RADX: variants seen among roughly 807,000 people sequenced by gnomAD.
The protein encoded by RADX is RPA-related protein RADX.
In RADX, 36 loss-of-function variants were observed where a neutral mutation model predicts 61.6. The ratio of observed to expected loss-of-function variants is 0.58; its 90% CI spans 0.45 to 0.77. The LOEUF (loss-of-function observed/expected upper bound fraction) is 0.77, where lower values mean the gene tolerates loss of function less well. Ranked by LOEUF, RADX falls within the 30% of genes least tolerant of loss-of-function variation. RADX has a pLI of 0.00. For synonymous variants in RADX, 272 were observed against 237.9 expected, an observed-to-expected ratio of 1.14 and a Z score of -1.32; for missense variants, 497 against 651.1, an observed-to-expected ratio of 0.76 and a Z score of 2.58.
chrX:106,643,663 T>C (rs375324711), intron 10 of RADX, among the ~76,000 whole-genome samples: 20 of 111,693 alleles, frequency 1.8e-4, no homozygotes, highest in Non-Finnish European at 3.2e-4. Flanking sequence ...TGTGTGTTGA[T>C]CAATTGAAAT....
rs991780610 is a variant in RADX at position 106,620,231 on chromosome X, C to T, written c.644-2420C>T. The stretch of plus-strand genomic sequence containing the variant: ...TTTGCAGAAATGCAAAACAATGCCA[C>T]GCTTCTCACTACATTATTTTTTGGT... On this transcript the variant is annotated intron_variant, in intron 1 of 13. Coordinates refer to ENST00000372548, the MANE Select transcript of RADX (RefSeq NM_018015.6). Among the ~76,000 whole-genome samples the T allele has an allele frequency of 8.0e-5, 9 of 111,926 alleles. No homozygotes were observed. The East Asian group carries it at 8.4e-4, about 10-fold the overall frequency.
intron 12 of RADX, 64 bp from the exon 13 acceptor site, chrX:106,669,099 C>T: frequency 1.1e-6 from 1 of 915,099 alleles, no homozygotes; most frequent in Non-Finnish European, 1.6e-6. Context: ...AACCAGCAAA[C>T]TCGGCATCAG....
intron 11 of RADX, among the ~76,000 whole-genome samples, chrX:106,651,068 A>G (rs776534209): frequency 3.6e-5 from 4 of 111,106 alleles, no homozygotes; most frequent in Non-Finnish European, 5.7e-5. Flanking sequence ...TTGTATATAT[A>G]TAAAAATGAA....
At chrX:106,641,259 A>T (rs1227964039) in intron 10 of RADX, among the ~76,000 whole-genome samples, 1 of 108,947 alleles carries the variant, frequency 9.2e-6, no homozygotes, top group Non-Finnish European at 1.9e-5. Context: ...ACACAATTTA[A>T]CCCATAAGTC....
intron 13 of RADX, among the ~76,000 whole-genome samples, chrX:106,672,858 C>G (rs1234920414): frequency 2.7e-5 from 3 of 112,075 alleles, no homozygotes; most frequent in Non-Finnish European, 3.8e-5. Flanking sequence ...AGTCCCTCCC[C>G]CTCTTTGCTT....
At position 106,648,384 on chromosome X, in the gene RADX, A is replaced by G. The variant is rs1161808565; in HGVS notation, c.1976A>G (p.Asn659Ser). Residue 659 changes from asparagine to serine, a missense_variant and splice_region_variant, in exon 11 of 14, where the codon AAC (asparagine) becomes AGC (serine). This residue lies in a region of RADX where 267 missense variants were observed against 306.9 expected (regional missense o/e 0.87). Coordinates refer to ENST00000372548, the MANE Select transcript of RADX (RefSeq NM_018015.6). ...GIKPGMPSIF[N>S]RRANINANLQ... ...AAACCGGGCATGCCAAGCATCTTCAACCGTATGTTACTATTTGTTATTATT... is the reference window on the plus strand; with the variant it reads ...AAACCGGGCATGCCAAGCATCTTCAGCCGTATGTTACTATTTGTTATTATT... The G allele has an allele frequency of 8.7e-7, 1 of 1,144,102 alleles. No individual in the cohort carries two copies. Among genetic ancestry groups the G allele is most frequent in the Admixed American group, 2.2e-5 (1 of 44,893 alleles). The allele number at this position is 1,144,102 out of a possible 1,213,427, so 94.3% of individuals were successfully genotyped here.
At chrX:106,620,764 G>T (rs1472443603) in intron 1 of RADX, among the ~76,000 whole-genome samples, 1 of 111,904 alleles carries the variant, frequency 8.9e-6, no homozygotes, top group Non-Finnish European at 1.9e-5. Context: ...GAGAATCACT[G>T]TTCTATTGCA....
At chrX:106,653,691 C>A (rs961646614) in intron 11 of RADX, among the ~76,000 whole-genome samples, 3 of 110,521 alleles carry the variant, frequency 2.7e-5, no homozygotes, top group Non-Finnish European at 1.9e-5. Context: ...CCCCTAGCCC[C>A]CAACATGCCG....
chrX:106,630,345 CAAA>C (rs1172087905), intron 3 of RADX, among the ~76,000 whole-genome samples: 3 of 80,399 alleles, frequency 3.7e-5, no homozygotes, highest in Non-Finnish European at 7.9e-5. Flanking sequence ...AACAAACAAA[CAAA>C]AAAAAAAAAA....
At chrX:106,667,992 A>G (rs1023251953) in intron 12 of RADX, among the ~76,000 whole-genome samples, 1 of 111,992 alleles carries the variant, frequency 8.9e-6, no homozygotes, top group African/African-American at 3.2e-5. Flanking sequence ...TGACGTGGCT[A>G]TGCTTCTTAT....
intron 1 of RADX, among the ~76,000 whole-genome samples, chrX:106,619,519 T>C (rs966034737): frequency 1.8e-5 from 2 of 112,139 alleles, no homozygotes; most frequent in African/African-American, 6.5e-5. Flanking sequence ...GAAAGAGCTG[T>C]TCTTTGAAAT....
intron 11 of RADX, 67 bp from the exon 12 acceptor site, chrX:106,661,948 T>G: frequency 3.1e-6 from 3 of 969,257 alleles, no homozygotes; most frequent in South Asian, 5.5e-5. Context: ...GGTTTTTTTT[T>G]GCAGTGAATG....
intron 10 of RADX, 56 bp downstream of exon 10, chrX:106,640,777 T>G: frequency 1.0e-4 from 82 of 818,170 alleles, no homozygotes; most frequent in Non-Finnish European, 1.2e-4. Flanking sequence ...GGGTTATCTC[T>G]ACCCTGTAAA....
intron 1 of RADX, among the ~76,000 whole-genome samples, chrX:106,622,022 A>G (rs1290850834): frequency 9.5e-6 from 1 of 104,910 alleles, no homozygotes; most frequent in Non-Finnish European, 1.9e-5. Flanking sequence ...CAGTGAGCTC[A>G]GCTGCCTGGG....
intron 13 of RADX, among the ~76,000 whole-genome samples, chrX:106,677,189 A>C (rs978412487): frequency 8.9e-6 from 1 of 112,145 alleles, no homozygotes; most frequent in African/African-American, 3.2e-5. Flanking sequence ...CACATCTTTG[A>C]GAATAAGGTC....
In RADX at chrX:106,622,042, T is replaced by A. The variant is rs1477217900; in HGVS notation, c.644-609T>A. Among the ~76,000 whole-genome samples the A allele has an allele frequency of 3.7e-5, 4 of 106,893 alleles. No individual in the cohort carries two copies. In the East Asian group the frequency reaches 1.2e-3, roughly 32 times the overall value. 92.8% of individuals were successfully genotyped at this position (106,893 alleles called of 115,157 possible). A position where few individuals can be genotyped will look rare whatever the true frequency, so the allele number is the denominator to read the frequency against. ...AGCTCAGCTGCCTGGGCTCAGGTGA[T>A]CCTCCCACTTCAGCCTCTTGAGTAG... On this transcript the variant is annotated intron_variant, in intron 1 of 13. Transcript: ENST00000372548.
At chrX:106,613,080 C>G (rs913031221) in intron 1 of RADX, among the ~76,000 whole-genome samples, 4 of 111,917 alleles carry the variant, frequency 3.6e-5, no homozygotes, top group Non-Finnish European at 7.5e-5. Flanking sequence ...TATTCCCAAT[C>G]CAGTTGTGGA....
chrX:106,650,340 AGACAAAG>A (rs1927763948), intron 11 of RADX, among the ~76,000 whole-genome samples: 1 of 110,966 alleles, frequency 9.0e-6, no homozygotes, highest in African/African-American at 3.3e-5. Context: ...CCTAAGGTCT[AGACAAAG>A]GCAGTTGTGA....
At position 106,612,640 on chromosome X, in the gene RADX, A is replaced by C; in HGVS notation, c.560A>C (p.His187Pro). The change falls in exon 1 of 14, where the codon CAT (histidine) becomes CCT (proline). Residue 187 changes from histidine to proline, a missense_variant. Physicochemically the swap from His to Pro is moderately conservative, Grantham distance 77. Transcript: ENST00000372548. ...AGGCCTTTAAGAGGCGGGAAGAGTC[A>C]TTACCTGGCGCTGTGGAATAACGAA... Reference protein sequence around the residue: ...PERPLRGGKSHYLALWNNEDP... With the variant: ...PERPLRGGKSPYLALWNNEDP... 8.3e-7 allele frequency: 1 copy of C among 1,211,069 alleles called. No individual in the cohort carries two copies. The highest frequency in any genetic ancestry group is 1.1e-6 in the Non-Finnish European group (1 of 895,146).
Sources: gnomAD v4.1 joint callset for allele counts (sites outside exome capture counted in the v4.1 genomes callset) on GRCh38, gnomAD v4.1.1 for gene constraint, gnomAD v4.1.1 regional missense constraint, MANE v1.5 for transcripts, NCBI Gene and HGNC (gene_info 2026-07-23, HGNC 2026-07-21) for gene names.